The following PABIR3 variants were observed in gnomAD, a reference collection of about 807,000 sequenced individuals.
PABIR3 encodes the protein PABIR family member 1.
A neutral mutation model predicts 23.1 loss-of-function variants in PABIR3; 20 were observed. The observed-to-expected ratio is 0.86, with a 90% CI of 0.61 to 1.26. The LOEUF (loss-of-function observed/expected upper bound fraction) is 1.26. PABIR3 is among the 50% of genes most tolerant of loss of function. PABIR3 has a pLI of 0.00. For synonymous variants in PABIR3, 69 were observed against 68.5 expected, an observed-to-expected ratio of 1.01 and a Z score of -0.04; for missense variants, 189 against 195.4, an observed-to-expected ratio of 0.97 and a Z score of 0.20.
intron 4 of PABIR3, 113 bp downstream of exon 4, chrX:134,829,395 G>GT (rs950965108): frequency 1.8e-6 from 1 of 557,815 alleles, no homozygotes; most frequent in Non-Finnish European, 2.7e-6. Flanking sequence ...GTAATATTAA[G>GT]TTTTTATTTC....
At chrX:134,837,144 G>A (rs1386742975) in intron 4 of PABIR3, among the ~76,000 whole-genome samples, 4 of 110,677 alleles carry the variant, frequency 3.6e-5, no homozygotes, top group South Asian at 3.8e-4. Flanking sequence ...TCAGGAGTTC[G>A]AGACCAGCCT....
chrX:134,840,990 CAT>C (rs944629422), intron 4 of PABIR3, among the ~76,000 whole-genome samples: 7 of 110,531 alleles, frequency 6.3e-5, no homozygotes, highest in African/African-American at 2.3e-4. Flanking sequence ...GACAGGGTCT[CAT>C]ATTGTTGCCA....
chrX:134,853,411 G>C (rs992147869), intron 10 of PABIR3, among the ~76,000 whole-genome samples: 2 of 110,733 alleles, frequency 1.8e-5, no homozygotes, highest in Admixed American at 1.9e-4. Context: ...ATATATGGTG[G>C]ATACATTTTT....
intron 9 of PABIR3, among the ~76,000 whole-genome samples, chrX:134,850,333 G>A (rs2082588629): frequency 9.0e-6 from 1 of 111,450 alleles, no homozygotes; most frequent in Non-Finnish European, 1.9e-5. Flanking sequence ...GTATATTTTC[G>A]ATTAATTAAT....
rs990061590 is a variant in PABIR3 at position 134,849,937 on chromosome X, A to G, written c.589+709A>G. 7.0e-5 allele frequency among the ~76,000 whole-genome samples: 6 copies of G among 86,235 alleles called. No individual in the cohort carries two copies. The East Asian group carries it at 2.7e-3, about 38-fold the overall frequency. The allele number at this position is 86,235 out of a possible 115,157, so 74.9% of individuals were successfully genotyped here. The stretch of plus-strand genomic sequence containing the variant: ...ACCCAGGCTGGAGTGCAGTGGCACA[A>G]TCTTGGCTCACTGCAACCTCTTCCT... On this transcript the variant is annotated intron_variant, in intron 9 of 10. Transcript: ENST00000645433.
the PABIR3 span, among the ~76,000 whole-genome samples, chrX:134,864,269 C>T: frequency 9.0e-6 from 1 of 110,948 alleles, no homozygotes; most frequent in East Asian, 2.8e-4. Context: ...AAGTGATCCT[C>T]CTGCCTTACC....
At chrX:134,801,955 C>T (rs1346710649) in intron 1 of PABIR3, among the ~76,000 whole-genome samples, 1 of 108,875 alleles carries the variant, frequency 9.2e-6, no homozygotes, top group African/African-American at 3.4e-5. Context: ...CATGGTGGGA[C>T]TGGAAAACGA....
intron 2 of PABIR3, among the ~76,000 whole-genome samples, chrX:134,812,512 G>A (rs2080732398): frequency 1.8e-5 from 2 of 111,958 alleles, no homozygotes; most frequent in Admixed American, 9.6e-5. Flanking sequence ...TTGCAAAGAT[G>A]TATCTCAGGG....
At chrX:134,843,535 G>C (rs1187118748) in intron 4 of PABIR3, among the ~76,000 whole-genome samples, 2 of 101,947 alleles carry the variant, frequency 2.0e-5, no homozygotes, top group African/African-American at 7.1e-5. Flanking sequence ...AAAACCATTT[G>C]ATCATGTATT....
intron 3 of PABIR3, chrX:134,822,244 T>C (rs972887795): frequency 2.3e-5 from 17 of 748,907 alleles, no homozygotes; most frequent in Non-Finnish European, 2.5e-5. Flanking sequence ...AGTGAAGTCA[T>C]TATTTCTATT....
chrX:134,822,060 C>T (rs1355898746), intron 3 of PABIR3: 7 of 753,455 alleles, frequency 9.3e-6, no homozygotes, highest in Non-Finnish European at 1.1e-5. Flanking sequence ...CTTCACCCAG[C>T]ACCCTCCCTA....
chrX:134,847,163 A>C (rs998363603), intron 6 of PABIR3, among the ~76,000 whole-genome samples: 1 of 111,949 alleles, frequency 8.9e-6, no homozygotes, highest in Non-Finnish European at 1.9e-5. Flanking sequence ...GAAGCCCCTC[A>C]ATCACCATAT....
intron 3 of PABIR3, among the ~76,000 whole-genome samples, chrX:134,816,635 T>A (rs1305788777): frequency 1.8e-5 from 2 of 111,630 alleles, no homozygotes; most frequent in African/African-American, 6.5e-5. Flanking sequence ...TGTTGATTCT[T>A]TAAATGTTTA....
At chrX:134,837,716 C>T (rs1169319872) in intron 4 of PABIR3, among the ~76,000 whole-genome samples, 1 of 112,116 alleles carries the variant, frequency 8.9e-6, no homozygotes, top group Admixed American at 9.5e-5. Flanking sequence ...AGAGTCAACA[C>T]TCTTCTCCTA....
At chrX:134,860,368 C>T in the PABIR3 span, among the ~76,000 whole-genome samples, 1 of 111,859 alleles carries the variant, frequency 8.9e-6, no homozygotes, top group Non-Finnish European at 1.9e-5. Context: ...GAATTACAGG[C>T]GGGAGCCACC....
At chrX:134,814,141 G>C (rs752129868) in intron 2 of PABIR3, among the ~76,000 whole-genome samples, 14 of 111,242 alleles carry the variant, frequency 1.3e-4, no homozygotes, top group Admixed American at 1.9e-4. Flanking sequence ...AGAGGGAATT[G>C]GTATTTGCAC....
intron 1 of PABIR3, chrX:134,797,030 C>T (rs2079889901): frequency 8.8e-6 from 1 of 114,062 alleles, no homozygotes; most frequent in Non-Finnish European, 1.9e-5. Flanking sequence ...GGGGGTTCGG[C>T]CTCTCAGCCG....
the PABIR3 span, among the ~76,000 whole-genome samples, chrX:134,861,525 T>A: frequency 9.5e-6 from 1 of 105,747 alleles, no homozygotes; most frequent in Non-Finnish European, 1.9e-5. Context: ...ACAAAAATAA[T>A]TAGCCGGGCG....
chrX:134,808,961 T>C (rs1230451862), intron 2 of PABIR3, among the ~76,000 whole-genome samples: 1 of 111,776 alleles, frequency 8.9e-6, no homozygotes, highest in Non-Finnish European at 1.9e-5. Context: ...ACTCTTTTTA[T>C]GTATAAAGCG....
Sources: allele counts gnomAD v4.1 joint callset (sites outside exome capture counted in the v4.1 genomes callset), GRCh38; gene constraint gnomAD v4.1.1; transcripts MANE v1.5; gene names NCBI Gene and HGNC (gene_info 2026-07-23, HGNC 2026-07-21).